The following CCDC57 variants were observed in gnomAD, a reference collection of about 807,000 sequenced individuals.
The protein encoded by CCDC57 is coiled-coil domain containing 57.
Under a neutral mutation model 118.9 loss-of-function variants are expected in CCDC57, and 118 were observed. That is an observed-to-expected ratio of 0.99 (90% CI 0.86 to 1.16). The LOEUF is 1.16. Among genes scored for constraint, CCDC57 ranks in the 50% most tolerant of loss-of-function variants. CCDC57 has a pLI of 0.00. For synonymous variants in CCDC57, 527 were observed against 532.9 expected (o/e 0.99, Z 0.15); for missense variants, 1,300 against 1,320.7 (o/e 0.98, Z 0.24).
At chr17:82,187,555 G>C (rs1461493410) in intron 8 of CCDC57, among the ~76,000 whole-genome samples, 2 of 40,072 alleles carry the variant, frequency 5.0e-5, no homozygotes, top group Non-Finnish European at 1.0e-4. Context: ...AGCTGGCAGG[G>C]GTCGGGGGGG....
chr17:82,151,229 C>T (rs1343297266), intron 16 of CCDC57, among the ~76,000 whole-genome samples: 3 of 140,910 alleles, frequency 2.1e-5, no homozygotes, highest in Non-Finnish European at 4.6e-5. Context: ...ACACCCAGAA[C>T]CTGGCACACA....
chr17:82,101,781 C>A, exon 20 of CCDC57: 2 of 1,608,850 alleles, frequency 1.2e-6, no homozygotes, highest in Non-Finnish European at 1.7e-6. Context: ...TGGCCTTTGC[C>A]TGGGCTGCTG....
chr17:82,117,746 C>CAAACAAACAAAT (rs1477554795), intron 19 of CCDC57, among the ~76,000 whole-genome samples: 1 of 151,828 alleles, frequency 6.6e-6, no homozygotes, highest in Non-Finnish European at 1.5e-5. Flanking sequence ...GATTGGCCAA[C>CAAACAAACAAAT]AAACAAACAA....
At chr17:82,207,127 G>A (rs975657105) in intron 2 of CCDC57, among the ~76,000 whole-genome samples, 5 of 152,126 alleles carry the variant, frequency 3.3e-5, no homozygotes, top group African/African-American at 1.2e-4. Flanking sequence ...GATCACTTGA[G>A]CCCAGGAGTT....
At chr17:82,186,991 C>A (rs2047003368) in intron 8 of CCDC57, among the ~76,000 whole-genome samples, 1 of 151,838 alleles carries the variant, frequency 6.6e-6, no homozygotes, top group African/African-American at 2.4e-5. Context: ...GTAATCCCAG[C>A]ACTTTGGGAG....
intron 17 of CCDC57, among the ~76,000 whole-genome samples, chr17:82,129,272 G>C (rs770368580): frequency 3.3e-5 from 5 of 152,090 alleles, no homozygotes; most frequent in Non-Finnish European, 7.4e-5. Context: ...CATGCCTGAT[G>C]TCTCCCCCCT....
chr17:82,132,853 G>A (rs535916136), intron 17 of CCDC57, among the ~76,000 whole-genome samples: 1 of 145,518 alleles, frequency 6.9e-6, no homozygotes, highest in Admixed American at 7.3e-5. Context: ...TCTGCCTCCT[G>A]GGTTCAAGCA....
intron 11 of CCDC57, among the ~76,000 whole-genome samples, chr17:82,175,953 C>T (rs2045415936): frequency 6.6e-6 from 1 of 152,180 alleles, no homozygotes; most frequent in South Asian, 2.1e-4. Context: ...AGCATCCCCT[C>T]CAGAGAATCC....
intron 19 of CCDC57, among the ~76,000 whole-genome samples, chr17:82,109,859 A>C (rs547129982): frequency 1.2e-4 from 19 of 152,126 alleles, no homozygotes; most frequent in Non-Finnish European, 2.4e-4. Context: ...TCTGTCTCAA[A>C]AAAATAAAAA....
chr17:82,173,840 G>A (rs1393245853), intron 11 of CCDC57, among the ~76,000 whole-genome samples: 5 of 150,604 alleles, frequency 3.3e-5, no homozygotes, highest in African/African-American at 1.2e-4. Flanking sequence ...CAGGAGGAGA[G>A]ACAGGCCCCG....
intron 16 of CCDC57, among the ~76,000 whole-genome samples, chr17:82,151,343 G>GCACACCCAGAACCTGGCA (rs1251727963): frequency 8.0e-6 from 1 of 125,056 alleles, no homozygotes; most frequent in Admixed American, 8.0e-5. Context: ...AGAACCAGGT[G>GCACACCCAGAACCTGGCA]CACACCCAGA....
intron 15 of CCDC57, 105 bp downstream of exon 14, chr17:82,157,643 T>C (rs1219511184): frequency 6.8e-7 from 1 of 1,471,742 alleles, no homozygotes; most frequent in Non-Finnish European, 9.0e-7. Flanking sequence ...TCGTCCCACC[T>C]GAGCTCCCAG....
At chr17:82,145,282 C>T (rs2040568356) in intron 16 of CCDC57, among the ~76,000 whole-genome samples, 1 of 146,340 alleles carries the variant, frequency 6.8e-6, no homozygotes. Flanking sequence ...GGCGGTGGCT[C>T]ACACCTGTAA....
At chr17:82,146,418 G>C (rs540226332) in intron 16 of CCDC57, among the ~76,000 whole-genome samples, 33 of 152,092 alleles carry the variant, frequency 2.2e-4, no homozygotes, top group Admixed American at 6.6e-4. Context: ...TGCCCAGGCT[G>C]GAGTGCAGTG....
At chr17:82,209,038 C>G (rs544777816) in intron 1 of CCDC57, among the ~76,000 whole-genome samples, 6 of 152,292 alleles carry the variant, frequency 3.9e-5, no homozygotes, top group African/African-American at 1.4e-4. Flanking sequence ...CTCATCTACT[C>G]TTTAAATAGG....
chr17:82,117,030 T>C (rs144726564), intron 19 of CCDC57, among the ~76,000 whole-genome samples: 10 of 152,164 alleles, frequency 6.6e-5, no homozygotes, highest in South Asian at 2.1e-4. Context: ...GGCCAATTGA[T>C]AGGAAAAATG....
intron 16 of CCDC57, among the ~76,000 whole-genome samples, chr17:82,143,002 T>C (rs1029394221): frequency 6.6e-6 from 1 of 152,036 alleles, no homozygotes; most frequent in African/African-American, 2.4e-5. Flanking sequence ...CCGTCTCTAC[T>C]AAAAATACAA....
rs2146836795 is a variant in CCDC57, at chr17:82,198,321, T to G, written c.509A>C (p.Gln170Pro). Residue 170 changes from glutamine (Q) to proline (P), a missense_variant, in exon 4 of 20, where the codon CAG becomes CCG. Physicochemically the swap from Gln to Pro is moderately conservative, Grantham distance 76 (BLOSUM62 -1). Coordinates refer to ENST00000665763, the Ensembl canonical transcript of CCDC57. ...CCGACCCAGAGGCTCTACCTGTCTC[T>G]GCAGAGCAAGCTCACCGTCGAGCTC... The G allele has an allele frequency of 1.9e-6, 3 of 1,609,674 alleles. No homozygotes were observed. In the East Asian group the frequency reaches 6.7e-5, roughly 36 times the overall value.
intron 16 of CCDC57, among the ~76,000 whole-genome samples, chr17:82,148,307 GAAT>G (rs2041182369): frequency 7.5e-6 from 1 of 133,418 alleles, no homozygotes; most frequent in Non-Finnish European, 1.6e-5. Context: ...ATGGGTGGGT[GAAT>G]GGATAAATGG....
Sources: allele counts gnomAD v4.1 joint callset (sites outside exome capture counted in the v4.1 genomes callset), GRCh38; gene constraint gnomAD v4.1.1; transcripts MANE v1.5; gene names NCBI Gene and HGNC (gene_info 2026-07-23, HGNC 2026-07-21).